NDUFS4: variants seen among roughly 807,000 people sequenced by gnomAD.
NDUFS4 encodes the protein NADH:ubiquinone oxidoreductase subunit S4, also known as NADH dehydrogenase [ubiquinone] iron-sulfur protein 4, mitochondrial.
Under a neutral mutation model 24.3 loss-of-function variants are expected in NDUFS4, and 28 were observed. The observed-to-expected ratio is 1.15, with a 90% CI of 0.85 to 1.58. The LOEUF (loss-of-function observed/expected upper bound fraction) is 1.58. Ranked by LOEUF, NDUFS4 falls within the 40% of genes most tolerant of loss-of-function variation. The probability of loss-of-function intolerance (pLI) is 0.00; values close to 1 mark genes in which losing one functional copy is unlikely to be tolerated. For synonymous variants in NDUFS4, 93 were observed against 69.7 expected (o/e 1.34, Z -1.67); for missense variants, 223 against 207.9 (o/e 1.07, Z -0.45).
intron 1 of NDUFS4, among the ~76,000 whole-genome samples, chr5:53,572,902 C>T (rs1219864208): frequency 3.3e-5 from 5 of 151,710 alleles, no homozygotes; most frequent in African/African-American, 9.7e-5. Flanking sequence ...CCTTGGCCTC[C>T]CAAAGTGCTG....
At chr5:53,657,461 A>G (rs1267714061) in intron 3 of NDUFS4, among the ~76,000 whole-genome samples, 1 of 151,968 alleles carries the variant, frequency 6.6e-6, no homozygotes, top group Non-Finnish European at 1.5e-5. Flanking sequence ...CTCCCCATTT[A>G]TTCTCTTCTT....
intron 4 of NDUFS4, among the ~76,000 whole-genome samples, chr5:53,665,531 G>C (rs746668007): frequency 4.6e-5 from 7 of 152,198 alleles, no homozygotes; most frequent in Non-Finnish European, 8.8e-5. Context: ...AATGGCGGAC[G>C]CCCCTCCCAC....
intron 2 of NDUFS4, among the ~76,000 whole-genome samples, chr5:53,643,032 G>C (rs1280485402): frequency 6.6e-6 from 1 of 151,988 alleles, no homozygotes; most frequent in East Asian, 1.9e-4. Flanking sequence ...GGAAGCATAG[G>C]TTTCATACTT....
At chr5:53,673,320 T>TATC (rs1333332497) in intron 4 of NDUFS4, among the ~76,000 whole-genome samples, 1 of 152,190 alleles carries the variant, frequency 6.6e-6, no homozygotes, top group Non-Finnish European at 1.5e-5. Context: ...TGAAAGAATG[T>TATC]ATCTTTGTGA....
At chr5:53,666,701 T>TGAGGTGGGTGGATCACTTGAGGTCAG (rs1752522903) in intron 4 of NDUFS4, among the ~76,000 whole-genome samples, 1 of 152,072 alleles carries the variant, frequency 6.6e-6, no homozygotes, top group African/African-American at 2.4e-5. Flanking sequence ...TTTGGGAGGT[T>TGAGGTGGGTGGATCACTTGAGGTCAG]GAGGTGGGTG....
chr5:53,598,632 T>TA (rs1750205374), intron 1 of NDUFS4, among the ~76,000 whole-genome samples: 1 of 152,152 alleles, frequency 6.6e-6, no homozygotes, highest in Non-Finnish European at 1.5e-5. Context: ...AATATACTGA[T>TA]AAAAATTTAT....
chr5:53,608,334 G>A (rs1042286872), intron 2 of NDUFS4, among the ~76,000 whole-genome samples: 6 of 152,158 alleles, frequency 3.9e-5, no homozygotes, highest in African/African-American at 1.4e-4. Context: ...CTGAAGGTTG[G>A]GGTGGCTGTG....
intron 1 of NDUFS4, among the ~76,000 whole-genome samples, chr5:53,572,975 T>G (rs1389402420): frequency 2.3e-4 from 34 of 148,282 alleles, no homozygotes; most frequent in Non-Finnish European, 4.5e-4. Flanking sequence ...TTTTTGTTTT[T>G]TTTTTTTTTT....
At chr5:53,614,543 G>A (rs1366261982) in intron 2 of NDUFS4, among the ~76,000 whole-genome samples, 4 of 151,908 alleles carry the variant, frequency 2.6e-5, no homozygotes, top group South Asian at 2.1e-4. Flanking sequence ...AACAATACTG[G>A]AGAATTGAAC....
At chr5:53,594,577 C>T (rs993987513) in intron 1 of NDUFS4, among the ~76,000 whole-genome samples, 1 of 152,088 alleles carries the variant, frequency 6.6e-6, no homozygotes, top group African/African-American at 2.4e-5. Context: ...ATATCATCTG[C>T]ATTCCCTCTC....
chr5:53,657,354 A>AAT (rs1223992695), intron 3 of NDUFS4, among the ~76,000 whole-genome samples: 1 of 152,148 alleles, frequency 6.6e-6, no homozygotes, highest in Non-Finnish European at 1.5e-5. Flanking sequence ...TTATGATAAG[A>AAT]ATATATATAA....
intron 4 of NDUFS4, among the ~76,000 whole-genome samples, chr5:53,669,093 A>G (rs1752597742): frequency 6.6e-6 from 1 of 152,208 alleles, no homozygotes; most frequent in Non-Finnish European, 1.5e-5. Flanking sequence ...TAGAGACTAT[A>G]TGGCCCCAGA....
At chr5:53,588,037 T>C (rs1749822511) in intron 1 of NDUFS4, among the ~76,000 whole-genome samples, 1 of 152,208 alleles carries the variant, frequency 6.6e-6, no homozygotes, top group Non-Finnish European at 1.5e-5. Context: ...GTGATTGTTG[T>C]ACAGGCATGC....
intron 4 of NDUFS4, chr5:53,658,851 A>T: frequency 2.1e-6 from 1 of 470,628 alleles, no homozygotes; most frequent in Non-Finnish European, 3.8e-6. Flanking sequence ...GACTGCTCTA[A>T]TTTGAAGTAC....
intron 1 of NDUFS4, among the ~76,000 whole-genome samples, chr5:53,591,078 G>T (rs1044718337): frequency 6.6e-6 from 1 of 152,034 alleles, no homozygotes; most frequent in East Asian, 1.9e-4. Context: ...TGTCTTCATG[G>T]TTCTTCCATG....
At chr5:53,652,786 A>G (rs1752054770) in intron 3 of NDUFS4, among the ~76,000 whole-genome samples, 1 of 152,178 alleles carries the variant, frequency 6.6e-6, no homozygotes, top group South Asian at 2.1e-4. Flanking sequence ...TGTAAATATG[A>G]AAAATATCTT....
chr5:53,610,939 G>A (rs1750675515), intron 2 of NDUFS4, among the ~76,000 whole-genome samples: 1 of 152,082 alleles, frequency 6.6e-6, no homozygotes, highest in Non-Finnish European at 1.5e-5. Flanking sequence ...TCATACTTAT[G>A]TGGATTTCAT....
chr5:53,631,286 C>G (rs1201477916), intron 2 of NDUFS4, among the ~76,000 whole-genome samples: 1 of 152,170 alleles, frequency 6.6e-6, no homozygotes, highest in African/African-American at 2.4e-5. Context: ...CTGCCAGATG[C>G]CAGCCAGAGT....
intron 1 of NDUFS4, among the ~76,000 whole-genome samples, chr5:53,598,010 C>T (rs1040006364): frequency 4.6e-5 from 7 of 152,158 alleles, no homozygotes; most frequent in African/African-American, 9.7e-5. Context: ...ATATGTTCAA[C>T]GTCATATGTC....
Sources: gnomAD v4.1 joint callset for allele counts (sites outside exome capture counted in the v4.1 genomes callset) on GRCh38, gnomAD v4.1.1 for gene constraint, MANE v1.5 for transcripts, NCBI Gene and HGNC (gene_info 2026-07-23, HGNC 2026-07-21) for gene names.